Variants in GPHN observed in about 807,000 individuals in gnomAD.
GPHN encodes gephyrin.
A neutral mutation model predicts 95.5 loss-of-function variants in GPHN; 17 were observed. That is an observed-to-expected ratio of 0.18 (90% CI 0.12 to 0.27). GPHN has a LOEUF of 0.27. Ranked by LOEUF, GPHN falls within the 10% of genes least tolerant of loss-of-function variation. The pLI, the probability that GPHN is intolerant of heterozygous loss-of-function variation, is 1.00. For missense variants in GPHN, 660 were observed against 978.1 expected, an observed-to-expected ratio of 0.67 and a Z score of 4.34; for synonymous variants, 320 against 322.5, an observed-to-expected ratio of 0.99 and a Z score of 0.08.
the GPHN span, among the ~76,000 whole-genome samples, chr14:67,329,467 A>C: frequency 0.16 from 23,572 of 152,020 alleles, 3,450 homozygotes; most frequent in East Asian, 0.42. Context: ...AATACCCTTT[A>C]TTTCTTTCTC....
At chr14:67,713,561 A>G in the GPHN span, among the ~76,000 whole-genome samples, 2 of 152,190 alleles carry the variant, frequency 1.3e-5, no homozygotes, top group East Asian at 3.9e-4. Context: ...TGCTGGTACC[A>G]GGCACTGATA....
intron 9 of GPHN, chr14:66,985,712 G>T: frequency 6.5e-7 from 1 of 1,530,810 alleles, no homozygotes. Context: ...AAGCAAAGGA[G>T]TTGCTAGTAG....
At chr14:66,636,025 T>C (rs528532989) in intron 1 of GPHN, among the ~76,000 whole-genome samples, 58 of 152,268 alleles carry the variant, frequency 3.8e-4, no homozygotes, top group African/African-American at 1.3e-3. Context: ...TTCAAAGATT[T>C]GTTTAATGTG....
chr14:67,316,442 T>C, the GPHN span, among the ~76,000 whole-genome samples: 6 of 152,186 alleles, frequency 3.9e-5, no homozygotes, highest in African/African-American at 1.4e-4. Flanking sequence ...TGCGCACATG[T>C]TGTTTTGGAA....
the GPHN span, among the ~76,000 whole-genome samples, chr14:67,313,164 T>C: frequency 6.6e-6 from 1 of 152,196 alleles, no homozygotes; most frequent in African/African-American, 2.4e-5. Context: ...AATTTTTTAT[T>C]GATGAAACTA....
At chr14:66,510,670 T>G (rs17827735) in intron 1 of GPHN, among the ~76,000 whole-genome samples, 47,595 of 152,044 alleles carry the variant, frequency 0.31, 11,389 homozygotes, top group African/African-American at 0.64. Flanking sequence ...TTTAATACAT[T>G]TACTAGGTCA....
rs543938068 is a variant in GPHN, at chr14:67,151,579, C to T, written c.1837-7836C>T. 2.4e-3 allele frequency among the ~76,000 whole-genome samples: 363 copies of T among 152,240 alleles called. 4 individuals are homozygous for T. The highest frequency in any genetic ancestry group is 8.2e-3 in the African/African-American group (342 of 41,536). On this transcript the variant is annotated intron_variant, in intron 18 of 22. Transcript: ENST00000478722. Reference sequence around the variant, plus strand: ...GAGAAACCAAAAGTTACCAAAGTTACAGTTTTATTGCTGCTTGGAATTCAC... The same window carrying T: ...GAGAAACCAAAAGTTACCAAAGTTATAGTTTTATTGCTGCTTGGAATTCAC...
intron 1 of GPHN, among the ~76,000 whole-genome samples, chr14:66,645,117 G>T (rs751081992): frequency 1.6e-4 from 24 of 151,994 alleles, no homozygotes; most frequent in Non-Finnish European, 3.4e-4. Flanking sequence ...TTTTTAAATT[G>T]CACTTGTAAT....
the GPHN span, chr14:67,695,889 A>ATT: frequency 1.7e-6 from 1 of 599,290 alleles, no homozygotes; most frequent in Non-Finnish European, 3.0e-6. Flanking sequence ...ACGCTGGCAG[A>ATT]AGTTGAATTA....
chr14:66,741,383 A>G (rs2153440475), intron 2 of GPHN, among the ~76,000 whole-genome samples: 1 of 152,328 alleles, frequency 6.6e-6, no homozygotes, highest in South Asian at 2.1e-4. Flanking sequence ...GAAACCATAT[A>G]CAGTCTTTGA....
At chr14:66,558,801 T>C (rs1382747995) in intron 1 of GPHN, among the ~76,000 whole-genome samples, 2 of 152,060 alleles carry the variant, frequency 1.3e-5, no homozygotes, top group Admixed American at 6.6e-5. Flanking sequence ...GTTAGTTACA[T>C]ATGTATACAT....
chr14:67,027,220 CTT>C (rs2073973185), intron 10 of GPHN, among the ~76,000 whole-genome samples: 2 of 152,058 alleles, frequency 1.3e-5, no homozygotes, highest in South Asian at 4.2e-4. Flanking sequence ...ATAAAGCAAA[CTT>C]TTGTTATTTT....
At chr14:67,707,385 G>A in the GPHN span, among the ~76,000 whole-genome samples, 20,319 of 152,004 alleles carry the variant, frequency 0.13, 1,389 homozygotes, top group East Asian at 0.21. Flanking sequence ...GGACTTGTTT[G>A]CTTTATTATA....
At chr14:67,265,871 A>AG in the GPHN span, among the ~76,000 whole-genome samples, 1 of 151,476 alleles carries the variant, frequency 6.6e-6, no homozygotes, top group Non-Finnish European at 1.5e-5. Flanking sequence ...AAAAAAAAAA[A>AG]GGAAAAAAGA....
chr14:66,757,059 G>A lies in GPHN; in HGVS notation c.144-19405G>A, dbSNP rs2153450772. 2.0e-5 allele frequency among the ~76,000 whole-genome samples: 3 copies of A among 152,252 alleles called. No homozygotes were observed. In the South Asian group the frequency reaches 6.2e-4, roughly 32 times the overall value. On this transcript the variant is annotated intron_variant, in intron 2 of 22. Coordinates refer to ENST00000478722, the MANE Select transcript of GPHN (RefSeq NM_020806.5). ...AAAACCAATGCAGTTAGCGGTAATAGGGGAGTGAAAGGAGAAGGAAATTGT... is the reference window on the plus strand; with the variant it reads ...AAAACCAATGCAGTTAGCGGTAATAAGGGAGTGAAAGGAGAAGGAAATTGT...
At chr14:67,562,563 C>A in the GPHN span, 10 of 1,611,782 alleles carry the variant, frequency 6.2e-6, no homozygotes, top group Middle Eastern at 3.3e-4. Context: ...AGCAGTCTGA[C>A]CCTACCAAAG....
the GPHN span, among the ~76,000 whole-genome samples, chr14:67,368,227 T>C: frequency 6.6e-5 from 10 of 152,194 alleles, 1 homozygote; most frequent in African/African-American, 1.4e-4. Context: ...TGCAGTTGGC[T>C]AGTTTGAATG....
chr14:66,752,074 G>A (rs2058387292), intron 2 of GPHN, among the ~76,000 whole-genome samples: 1 of 152,140 alleles, frequency 6.6e-6, no homozygotes. Context: ...ACTTCTGCTA[G>A]CTTCCAACTT....
chr14:67,287,961 G>A, the GPHN span, among the ~76,000 whole-genome samples: 1 of 152,180 alleles, frequency 6.6e-6, no homozygotes, highest in Non-Finnish European at 1.5e-5. Flanking sequence ...TGAGGTTGAA[G>A]AGACCCAGTA....
Sources: allele counts gnomAD v4.1 joint callset (sites outside exome capture counted in the v4.1 genomes callset), GRCh38; gene constraint gnomAD v4.1.1; transcripts MANE v1.5; gene names NCBI Gene and HGNC (gene_info 2026-07-23, HGNC 2026-07-21).